Variants in CLNK observed in about 807,000 individuals in gnomAD.
CLNK encodes the protein cytokine dependent hematopoietic cell linker.
Under a neutral mutation model 68.6 loss-of-function variants are expected in CLNK, and 74 were observed. That is an observed-to-expected ratio of 1.08 (90% CI 0.89 to 1.31). CLNK has a LOEUF of 1.31. CLNK is among the 50% of genes most tolerant of loss of function. The pLI is 0.00. For missense variants in CLNK, 553 were observed against 515.3 expected, an observed-to-expected ratio of 1.07 and a Z score of -0.71; for synonymous variants, 198 against 172.2, an observed-to-expected ratio of 1.15 and a Z score of -1.17.
chr4:10,611,367 G>A (rs761882903), intron 2 of CLNK, among the ~76,000 whole-genome samples: 6 of 151,550 alleles, frequency 4.0e-5, no homozygotes, highest in Non-Finnish European at 8.8e-5. Context: ...GCATGGTGGC[G>A]GGTGCCTGTA....
intron 17 of CLNK, among the ~76,000 whole-genome samples, chr4:10,506,376 C>T (rs1717295045): frequency 6.6e-6 from 1 of 152,198 alleles, no homozygotes; most frequent in East Asian, 1.9e-4. Flanking sequence ...AGATGCAGCC[C>T]CTGGCAGCCT....
At chr4:10,728,604 CTTTTTTTT>C in the CLNK span, among the ~76,000 whole-genome samples, 1 of 34,786 alleles carries the variant, frequency 2.9e-5, no homozygotes, top group South Asian at 1.2e-3. Flanking sequence ...TTCTTTCTTT[CTTTTTTTT>C]TTTTTTTTTG....
rs1716445777 is a variant in CLNK at position 10,488,789 on chromosome 4, TTACA to T, written c.*1674_*1677del. The T allele has an allele frequency of 6.6e-6, 1 of 152,256 alleles. No individual in the cohort carries two copies. Among genetic ancestry groups the T allele is most frequent in the Admixed American group, 6.5e-5 (1 of 15,286 alleles). 9.4% of individuals were successfully genotyped at this position (152,256 alleles called of 1,614,324 possible). A position where few individuals can be genotyped will look rare whatever the true frequency, so the allele number is the denominator to read the frequency against. On this transcript the variant is annotated 3_prime_UTR_variant, in exon 19 of 19. Transcript: ENST00000226951. ...CCCAGAGAGCTCATTGTCTGCTGTC[TTACA>T]AAAGAGATAATCCTGCACATTGTTT...
intron 2 of CLNK, among the ~76,000 whole-genome samples, chr4:10,625,877 C>T (rs1319900115): frequency 6.6e-6 from 1 of 152,234 alleles, no homozygotes; most frequent in Admixed American, 6.5e-5. Flanking sequence ...TGAGGGTTCT[C>T]ATATGGGGAA....
Position 10,652,822 on chromosome 4 carries a change from T to C in CLNK, c.11+15037A>G, listed in dbSNP as rs370807783. ...GCAATTATGGTGGTATCTACCTTCT[T>C]TTCATGCACACATGGAATATTGCAA... On this transcript the variant is annotated intron_variant, in intron 2 of 18. Coordinates refer to ENST00000226951, the MANE Select transcript of CLNK (RefSeq NM_052964.4). 6.2e-4 allele frequency among the ~76,000 whole-genome samples: 94 copies of C among 152,346 alleles called. No homozygotes were observed. The East Asian group carries it at 0.013, about 20-fold the overall frequency.
At chr4:10,642,461 G>A (rs768136613) in intron 2 of CLNK, among the ~76,000 whole-genome samples, 1 of 152,178 alleles carries the variant, frequency 6.6e-6, no homozygotes, top group African/African-American at 2.4e-5. Flanking sequence ...CCTAAAGGTA[G>A]ACCAGTTGGG....
At chr4:10,494,738 C>T (rs1282131411) in intron 18 of CLNK, among the ~76,000 whole-genome samples, 2 of 152,174 alleles carry the variant, frequency 1.3e-5, no homozygotes, top group Admixed American at 6.5e-5. Flanking sequence ...GGATTACAGG[C>T]GTGAGCCCCC....
chr4:10,716,450 A>T, the CLNK span, among the ~76,000 whole-genome samples: 1 of 152,214 alleles, frequency 6.6e-6, no homozygotes, highest in Non-Finnish European at 1.5e-5. Context: ...ACTTTAAAAA[A>T]TTTGAGAAAG....
chr4:10,626,460 C>T (rs1029617552), intron 2 of CLNK, among the ~76,000 whole-genome samples: 2 of 152,276 alleles, frequency 1.3e-5, no homozygotes, highest in South Asian at 4.1e-4. Context: ...AGAAAGTCAG[C>T]TTCTCCCTCC....
chr4:10,646,538 A>G (rs1560260455), intron 2 of CLNK, among the ~76,000 whole-genome samples: 1 of 152,218 alleles, frequency 6.6e-6, no homozygotes, highest in South Asian at 2.1e-4. Flanking sequence ...CCAGGAAGAA[A>G]TTCCTCAGTG....
chr4:10,660,685 C>T (rs989802460), intron 2 of CLNK, among the ~76,000 whole-genome samples: 12 of 152,194 alleles, frequency 7.9e-5, no homozygotes, highest in Admixed American at 2.0e-4. Context: ...GTTAAGTCAA[C>T]TAGTTCTATC....
intron 12 of CLNK, among the ~76,000 whole-genome samples, chr4:10,531,984 A>G (rs1393712306): frequency 1.3e-5 from 2 of 152,202 alleles, no homozygotes; most frequent in Admixed American, 6.5e-5. Context: ...TCGATACTGT[A>G]TATCTTCCAT....
At chr4:10,689,745 A>ATTTTTTTTTTTTTTT (rs71651341), upstream of CLNK, among the ~76,000 whole-genome samples, 1,238 of 99,928 alleles carry the variant, frequency 0.012, 144 homozygotes, top group Admixed American at 0.055. Context: ...AAACCCATGC[A>ATTTTTTTTTTTTTTT]TTTTTTTTTT....
intron 17 of CLNK, 42 bp downstream of exon 17, chr4:10,507,917 G>T: frequency 7.0e-7 from 1 of 1,423,324 alleles, no homozygotes. Flanking sequence ...ACCTTAAGAT[G>T]CCTATAGAAA....
the CLNK span, among the ~76,000 whole-genome samples, chr4:10,709,301 A>G: frequency 1.3e-5 from 2 of 152,208 alleles, no homozygotes; most frequent in Non-Finnish European, 2.9e-5. Context: ...ATCCTTTTCA[A>G]GTGTTCAAGG....
At chr4:10,540,709 T>C (rs1000979234) in intron 10 of CLNK, 105 bp from the exon 11 acceptor site, 29 of 761,344 alleles carry the variant, frequency 3.8e-5, no homozygotes, top group Non-Finnish European at 5.4e-5. Context: ...AGCTTTGGGT[T>C]GAAAATGCTA....
intron 2 of CLNK, among the ~76,000 whole-genome samples, chr4:10,662,698 G>A (rs754424222): frequency 5.9e-5 from 9 of 152,152 alleles, no homozygotes; most frequent in Non-Finnish European, 1.2e-4. Flanking sequence ...AAAACAATGA[G>A]TTTTAAAAGT....
the CLNK span, among the ~76,000 whole-genome samples, chr4:10,732,426 C>G: frequency 6.6e-6 from 1 of 152,136 alleles, no homozygotes; most frequent in African/African-American, 2.4e-5. Flanking sequence ...AGTGAAAAAG[C>G]TACAGGTTTT....
rs151294625 is a variant in CLNK at position 10,594,366 on chromosome 4, C to T, written c.83+3612G>A. 5.5e-3 allele frequency among the ~76,000 whole-genome samples: 832 copies of T among 152,332 alleles called. 5 individuals are homozygous for T. The highest frequency in any genetic ancestry group is 7.4e-3 in the Non-Finnish European group (504 of 68,028). ...CAGAGTGGAATTCAAGCCCAGGGGC[C>T]TCTCCCTCCACTTGGAAGCTTGCAC... On this transcript the variant is annotated intron_variant, in intron 3 of 18. Transcript: ENST00000226951.
Sources: allele counts gnomAD v4.1 joint callset (sites outside exome capture counted in the v4.1 genomes callset), GRCh38; gene constraint gnomAD v4.1.1; transcripts MANE v1.5; gene names NCBI Gene and HGNC (gene_info 2026-07-23, HGNC 2026-07-21).